Variants in MACROD2 observed in about 807,000 individuals in gnomAD.
MACROD2 encodes the protein mono-ADP ribosylhydrolase 2.
Under a neutral mutation model 70.4 loss-of-function variants are expected in MACROD2, and 36 were observed. That is an observed-to-expected ratio of 0.51 (90% CI 0.39 to 0.68). The LOEUF (loss-of-function observed/expected upper bound fraction) is 0.68, where lower values mean the gene tolerates loss of function less well. MACROD2 is among the 30% of genes least tolerant of loss of function. MACROD2 has a pLI of 0.00. For synonymous variants in MACROD2, 172 were observed against 178.8 expected (o/e 0.96, Z 0.30); for missense variants, 496 against 538.4 (o/e 0.92, Z 0.78).
intron 5 of MACROD2, among the ~76,000 whole-genome samples, chr20:14,856,642 A>G (rs1009580897): frequency 6.6e-6 from 1 of 152,178 alleles, no homozygotes; most frequent in Non-Finnish European, 1.5e-5. Context: ...GTGAACATGA[A>G]TAACCCAGGG....
At chr20:14,223,524 T>C (rs1601367517) in intron 3 of MACROD2, among the ~76,000 whole-genome samples, 1 of 150,070 alleles carries the variant, frequency 6.7e-6, no homozygotes, top group South Asian at 2.1e-4. Flanking sequence ...TTTTTTTTTT[T>C]TGAGACGGAG....
At chr20:15,715,347 T>C (rs2050693609) in intron 8 of MACROD2, among the ~76,000 whole-genome samples, 1 of 152,176 alleles carries the variant, frequency 6.6e-6, no homozygotes. Flanking sequence ...GAATAGTATT[T>C]CTTTTGCAAC....
At chr20:15,646,903 C>T (rs2049555437) in intron 8 of MACROD2, among the ~76,000 whole-genome samples, 1 of 152,162 alleles carries the variant, frequency 6.6e-6, no homozygotes, top group Admixed American at 6.5e-5. Flanking sequence ...TTTACAGTAG[C>T]GTGAAAACGG....
chr20:14,589,657 A>G lies in MACROD2; in HGVS notation c.302-95186A>G, dbSNP rs541867740. On this transcript the variant is annotated intron_variant, in intron 4 of 17. Transcript: ENST00000684519. ...ATGACTGAAATGTTTATACTTATTC[A>G]TGACATTATATTGTTGGTTTTCTCT... Among the ~76,000 whole-genome samples, 4 of 152,270 alleles carry G rather than the reference A, an allele frequency of 2.6e-5. No individual in the cohort carries two copies. In the East Asian group the frequency reaches 5.8e-4, roughly 22 times the overall value.
At chr20:15,761,049 G>A (rs1217275995) in intron 8 of MACROD2, among the ~76,000 whole-genome samples, 7 of 152,104 alleles carry the variant, frequency 4.6e-5, no homozygotes, top group South Asian at 2.1e-4. Flanking sequence ...TTTTTGTTTC[G>A]TTTTATTTTG....
At chr20:15,777,272 A>G (rs1338647707) in intron 8 of MACROD2, among the ~76,000 whole-genome samples, 2 of 152,100 alleles carry the variant, frequency 1.3e-5, no homozygotes, top group South Asian at 4.1e-4. Context: ...AAACTCTTCT[A>G]CTTCAACCAG....
intron 3 of MACROD2, among the ~76,000 whole-genome samples, chr20:14,389,580 T>G (rs1463839651): frequency 6.6e-6 from 1 of 152,110 alleles, no homozygotes; most frequent in Non-Finnish European, 1.5e-5. Context: ...AAGAAGATAC[T>G]TGTAACATTT....
At chr20:15,486,168 GA>G (rs988341327) in intron 7 of MACROD2, among the ~76,000 whole-genome samples, 4 of 150,264 alleles carry the variant, frequency 2.7e-5, no homozygotes, top group Admixed American at 6.6e-5. Context: ...AAGAGAATCT[GA>G]AAAAAAAAGG....
intron 8 of MACROD2, among the ~76,000 whole-genome samples, chr20:15,781,721 G>A (rs1327211406): frequency 1.3e-5 from 2 of 152,138 alleles, no homozygotes; most frequent in Non-Finnish European, 2.9e-5. Context: ...TTCAACGTCT[G>A]AATTTTAGAG....
rs1378237918 is a variant in MACROD2, at chr20:16,035,146, TATATAAA to T, written c.1154-6048_1154-6042del. Among the ~76,000 whole-genome samples the T allele has an allele frequency of 1.2e-4, 12 of 101,022 alleles. 1 individual carries two copies. Among genetic ancestry groups the T allele is most frequent in the African/African-American group, 4.4e-4 (11 of 25,192 alleles). 66.3% of individuals were successfully genotyped at this position (101,022 alleles called of 152,430 possible). On this transcript the variant is annotated intron_variant, in intron 15 of 17. Coordinates refer to ENST00000684519, the MANE Select transcript of MACROD2 (RefSeq NM_001351661.2). Reference sequence around the variant, plus strand: ...ATAAAATATTATATATTATATATTATATATAAAATATAATATAAAATATAAAATATTA... The same window carrying T: ...ATAAAATATTATATATTATATATTATATATAATATAAAATATAAAATATTA...
At chr20:14,300,273 T>G in intron 3 of MACROD2, among the ~76,000 whole-genome samples, 1 of 152,248 alleles carries the variant, frequency 6.6e-6, no homozygotes, top group East Asian at 1.9e-4. Context: ...CATACTTGCA[T>G]TAGCTCATGT....
chr20:15,338,686 G>C lies in MACROD2; in HGVS notation c.541-92719G>C, dbSNP rs568784937. On this transcript the variant is annotated intron_variant, in intron 6 of 17. Transcript: ENST00000684519. The stretch of plus-strand genomic sequence containing the variant: ...TTTTCAGATGAAGAAACAGGCCTAG[G>C]GGGGTAAGTTACTTGCCTAACGTCT... 4.0e-4 allele frequency among the ~76,000 whole-genome samples: 60 copies of C among 151,738 alleles called. 1 individual carries two copies. The highest frequency in any genetic ancestry group is 7.2e-4 in the Admixed American group (11 of 15,256).
At chr20:15,727,414 T>C (rs139549198) in intron 8 of MACROD2, among the ~76,000 whole-genome samples, 19 of 151,500 alleles carry the variant, frequency 1.3e-4, no homozygotes, top group African/African-American at 4.6e-4. Context: ...ATTGCCTCTA[T>C]TTGGGCCCCT....
intron 5 of MACROD2, among the ~76,000 whole-genome samples, chr20:14,730,298 G>T (rs2071579851): frequency 6.6e-6 from 1 of 151,982 alleles, no homozygotes; most frequent in African/African-American, 2.4e-5. Context: ...ATCCCAAGCA[G>T]GAAAAAGAAA....
At chr20:14,255,634 A>C (rs1404075171) in intron 3 of MACROD2, among the ~76,000 whole-genome samples, 2 of 151,962 alleles carry the variant, frequency 1.3e-5, no homozygotes, top group East Asian at 3.9e-4. Flanking sequence ...ATGTATACAT[A>C]TGTAACTAAC....
At chr20:14,365,501 A>G (rs572784121) in intron 3 of MACROD2, among the ~76,000 whole-genome samples, 1 of 151,850 alleles carries the variant, frequency 6.6e-6, no homozygotes, top group African/African-American at 2.4e-5. Flanking sequence ...TATATTTTTT[A>G]CCCTTTTTTC....
At chr20:14,748,167 G>GT in intron 5 of MACROD2, among the ~76,000 whole-genome samples, 1 of 152,042 alleles carries the variant, frequency 6.6e-6, no homozygotes, top group East Asian at 1.9e-4. Flanking sequence ...GTTCCTACAC[G>GT]CCTCTTAGCA....
chr20:14,479,098 C>T lies in MACROD2; in HGVS notation c.272-14381C>T, dbSNP rs541222282. 2.9e-4 allele frequency among the ~76,000 whole-genome samples: 44 copies of T among 152,150 alleles called. No homozygotes were observed. The South Asian group carries it at 4.0e-3, about 14-fold the overall frequency. The stretch of plus-strand genomic sequence containing the variant: ...CTGGTGAAGGAGGGGATTCTCAGGC[C>T]TGGTGGAAAAGAAATGACTTCTGAG... On this transcript the variant is annotated intron_variant, in intron 3 of 17. Coordinates refer to ENST00000684519, the MANE Select transcript of MACROD2 (RefSeq NM_001351661.2).
intron 5 of MACROD2, among the ~76,000 whole-genome samples, chr20:15,158,735 G>A (rs1219353626): frequency 6.6e-6 from 1 of 152,110 alleles, no homozygotes; most frequent in Non-Finnish European, 1.5e-5. Flanking sequence ...ATAGCTACTG[G>A]TTTGTCTGTT....
Sources: allele counts gnomAD v4.1 joint callset (sites outside exome capture counted in the v4.1 genomes callset), GRCh38; gene constraint gnomAD v4.1.1; transcripts MANE v1.5; gene names NCBI Gene and HGNC (gene_info 2026-07-23, HGNC 2026-07-21).